Variants in DOCK8 observed in about 807,000 individuals in gnomAD.
DOCK8 encodes dedicator of cytokinesis 8.
A neutral mutation model predicts 245.6 loss-of-function variants in DOCK8; 141 were observed. The observed-to-expected ratio is 0.57, with a 90% CI of 0.50 to 0.66. DOCK8 has a LOEUF of 0.66. Among genes scored for constraint, DOCK8 ranks in the 30% least tolerant of loss-of-function variants. The probability of loss-of-function intolerance (pLI) is 0.00; values close to 1 mark genes in which losing one functional copy is unlikely to be tolerated. For missense variants in DOCK8, 2,965 were observed against 2,603.4 expected, an observed-to-expected ratio of 1.14 and a Z score of -3.02; for synonymous variants, 1,168 against 970.2, an observed-to-expected ratio of 1.20 and a Z score of -3.79.
chr9:330,550 A>T (rs994441273), intron 9 of DOCK8, among the ~76,000 whole-genome samples: 9 of 152,182 alleles, frequency 5.9e-5, no homozygotes, highest in African/African-American at 2.2e-4. Context: ...TTGGACAATG[A>T]TCCCTGTGCC....
chr9:215,375 G>T (rs768254880), intron 1 of DOCK8: 20 of 1,590,688 alleles, frequency 1.3e-5, no homozygotes, highest in Non-Finnish European at 1.7e-5. Context: ...AACCGTGTTG[G>T]GCGCGCCACG....
At chr9:368,434 T>C (rs1212847263) in intron 15 of DOCK8, 1 of 620,216 alleles carries the variant, frequency 1.6e-6, no homozygotes, top group Non-Finnish European at 2.9e-6. Flanking sequence ...TCTAAAGGCA[T>C]ACAAAGTAAA....
intron 6 of DOCK8, among the ~76,000 whole-genome samples, chr9:313,831 A>G (rs894653349): frequency 9.8e-5 from 15 of 152,376 alleles, no homozygotes; most frequent in South Asian, 6.2e-4. Context: ...TCTTTCTACA[A>G]TGTATGCATA....
intron 1 of DOCK8, among the ~76,000 whole-genome samples, chr9:262,140 CATCATTA>C (rs2047933439): frequency 6.6e-6 from 1 of 151,958 alleles, no homozygotes; most frequent in Admixed American, 6.6e-5. Context: ...ACTTTCTTAG[CATCATTA>C]GTCATTAGGG....
At chr9:442,077 C>T (rs1026742460) in intron 42 of DOCK8, 68 bp downstream of exon 42, 9 of 1,591,852 alleles carry the variant, frequency 5.7e-6, no homozygotes, top group Non-Finnish European at 7.7e-6. Context: ...TGGGTCATCA[C>T]CAAAAATAAA....
chr9:389,927 G>C (rs1313735276), intron 23 of DOCK8, among the ~76,000 whole-genome samples: 1 of 152,046 alleles, frequency 6.6e-6, no homozygotes, highest in Non-Finnish European at 1.5e-5. Context: ...TGGGACTAAA[G>C]TAGGTGGGAG....
chr9:347,838 TA>T (rs1295454056), intron 14 of DOCK8, among the ~76,000 whole-genome samples: 1 of 152,158 alleles, frequency 6.6e-6, no homozygotes, highest in African/African-American at 2.4e-5. Flanking sequence ...ACCAATTGCC[TA>T]AGGTTATGAC....
intron 1 of DOCK8, among the ~76,000 whole-genome samples, chr9:232,473 A>C (rs2047139181): frequency 6.6e-6 from 1 of 152,170 alleles, no homozygotes; most frequent in African/African-American, 2.4e-5. Context: ...AAGGAATGGT[A>C]CCAGCTCCTC....
In DOCK8 at chr9:434,766, A is replaced by G. The variant is rs1432051743; in HGVS notation, c.4887-17A>G. The G allele has an allele frequency of 1.2e-6, 2 of 1,613,504 alleles. No homozygotes were observed. Among genetic ancestry groups the G allele is most frequent in the African/African-American group, 1.3e-5 (1 of 75,018 alleles). On this transcript the variant is annotated splice_polypyrimidine_tract_variant and intron_variant, in intron 38 of 47. Transcript: ENST00000432829. Reference sequence around the variant, plus strand: ...CCCACTGTCCTCAAAACTACTTCTCACTCAATCTGTCTTCAGAATTGCCAA... The same window carrying G: ...CCCACTGTCCTCAAAACTACTTCTCGCTCAATCTGTCTTCAGAATTGCCAA...
At chr9:221,656 A>G (rs892242715) in intron 1 of DOCK8, among the ~76,000 whole-genome samples, 1 of 142,868 alleles carries the variant, frequency 7.0e-6, no homozygotes, top group Non-Finnish European at 1.5e-5. Flanking sequence ...TACTAAAAGT[A>G]CAAAAAAAAA....
At chr9:358,704 C>A (rs973646771) in intron 14 of DOCK8, among the ~76,000 whole-genome samples, 11 of 152,064 alleles carry the variant, frequency 7.2e-5, no homozygotes, top group Admixed American at 2.0e-4. Context: ...CAAAAATTAG[C>A]CAGGTGTGGT....
intron 4 of DOCK8, among the ~76,000 whole-genome samples, chr9:303,058 G>T (rs961169514): frequency 5.9e-5 from 9 of 151,624 alleles, no homozygotes; most frequent in African/African-American, 1.5e-4. Context: ...CTACTGGGAG[G>T]CTGAGGTGGG....
Position 243,577 on chromosome 9 carries a change from C to CCATG in DOCK8, c.54-28049_54-28046dup, listed in dbSNP as rs1178055174. 2.0e-5 allele frequency among the ~76,000 whole-genome samples: 3 copies of CCATG among 152,046 alleles called. No individual in the cohort carries two copies. In the East Asian group the frequency reaches 5.8e-4, roughly 29 times the overall value. On this transcript the variant is annotated intron_variant, in intron 1 of 47. Coordinates refer to ENST00000432829, the MANE Select transcript of DOCK8 (RefSeq NM_203447.4). Reference sequence around the variant, plus strand: ...GACAGTCCAATATTTACTGACTGACCCATGTTCTGTTTCATCTCAGGATTT... The same window carrying CCATG: ...GACAGTCCAATATTTACTGACTGACCCATGCATGTTCTGTTTCATCTCAGGATTT...
chr9:296,509 G>A (rs146156287), intron 4 of DOCK8, among the ~76,000 whole-genome samples: 23 of 152,296 alleles, frequency 1.5e-4, no homozygotes, highest in African/African-American at 5.3e-4. Flanking sequence ...TAATTCTGAA[G>A]GAAGGTTGAG....
chr9:360,384 C>G (rs953717215), intron 14 of DOCK8, among the ~76,000 whole-genome samples: 1 of 151,722 alleles, frequency 6.6e-6, no homozygotes, highest in African/African-American at 2.4e-5. Flanking sequence ...TACCCTTCCC[C>G]GAATATCCAT....
chr9:421,110 T>A (rs777055223), intron 32 of DOCK8, 32 bp downstream of exon 32: 2 of 1,613,334 alleles, frequency 1.2e-6, no homozygotes, highest in South Asian at 2.2e-5. Flanking sequence ...CTGCTCTCTG[T>A]CAAGCAGTTT....
chr9:302,658 A>C (rs577350444), intron 4 of DOCK8, among the ~76,000 whole-genome samples: 1 of 152,340 alleles, frequency 6.6e-6, no homozygotes, highest in Admixed American at 6.5e-5. Flanking sequence ...CAACATGCAA[A>C]AAACCACCCC....
intron 5 of DOCK8, among the ~76,000 whole-genome samples, chr9:305,941 G>A (rs1341312712): frequency 6.6e-6 from 1 of 152,162 alleles, no homozygotes; most frequent in African/African-American, 2.4e-5. Flanking sequence ...GGAGGGAGGA[G>A]TAGGAAGTTA....
At chr9:440,315 C>T (rs1371042503) in intron 40 of DOCK8, among the ~76,000 whole-genome samples, 1 of 152,186 alleles carries the variant, frequency 6.6e-6, no homozygotes, top group African/African-American at 2.4e-5. Context: ...CCACCACGCC[C>T]AACTTGTTTT....
Sources: allele counts gnomAD v4.1 joint callset (sites outside exome capture counted in the v4.1 genomes callset), GRCh38; gene constraint gnomAD v4.1.1; transcripts MANE v1.5; gene names NCBI Gene and HGNC (gene_info 2026-07-23, HGNC 2026-07-21).